Variants in YME1L1 observed in about 807,000 individuals in gnomAD.
The protein encoded by YME1L1 is YME1 like 1 ATPase, also known as ATP-dependent zinc metalloprotease YME1L1.
YME1L1 carries 39 observed loss-of-function variants against 90.4 expected under a neutral mutation model. That is an observed-to-expected ratio of 0.43 (90% CI 0.33 to 0.56). The LOEUF (loss-of-function observed/expected upper bound fraction) is 0.56. YME1L1 is among the 20% of genes least tolerant of loss of function. The probability of loss-of-function intolerance (pLI) is 0.03; values close to 1 mark genes in which losing one functional copy is unlikely to be tolerated. For missense variants in YME1L1, 617 were observed against 868.4 expected (o/e 0.71, Z 3.64); for synonymous variants, 284 against 287.3 (o/e 0.99, Z 0.12).
intron 17 of YME1L1, among the ~76,000 whole-genome samples, 200 bp downstream of exon 17, chr10:27,115,860 A>G (rs912586786): frequency 5.9e-5 from 9 of 152,240 alleles, no homozygotes; most frequent in East Asian, 1.9e-4. Flanking sequence ...AATAGTTACT[A>G]TCTGGGCAGC....
chr10:27,110,643 G>C lies in YME1L1; in HGVS notation c.*1334C>G, dbSNP rs2056750418. Reference sequence around the variant, plus strand: ...AACACAACTTGGCATTTCTGACGCAGGGTAACACAAAGTTCACTTCGGAGG... The same window carrying C: ...AACACAACTTGGCATTTCTGACGCACGGTAACACAAAGTTCACTTCGGAGG... On this transcript the variant is annotated 3_prime_UTR_variant, in exon 19 of 19. Coordinates refer to ENST00000376016, the MANE Select transcript of YME1L1 (RefSeq NM_014263.4). 6.6e-6 allele frequency: 1 copy of C among 152,102 alleles called. No individual in the cohort carries two copies. The highest frequency in any genetic ancestry group is 1.5e-5 in the Non-Finnish European group (1 of 68,016). The allele number at this position is 152,102 out of a possible 1,614,324, so 9.4% of individuals were successfully genotyped here. A position where few individuals can be genotyped will look rare whatever the true frequency, so the allele number is the denominator to read the frequency against.
At chr10:27,134,323 C>G (rs1478992847) in intron 6 of YME1L1, among the ~76,000 whole-genome samples, 1 of 152,166 alleles carries the variant, frequency 6.6e-6, no homozygotes, top group Non-Finnish European at 1.5e-5. Flanking sequence ...GTGGCTCATG[C>G]CTGTAATCCT....
chr10:27,147,103 A>G (rs1383123723), intron 2 of YME1L1: 2 of 374,220 alleles, frequency 5.3e-6, no homozygotes, highest in Non-Finnish European at 9.5e-6. Context: ...AAAATTAAAG[A>G]GATAGGTTAT....
chr10:27,133,169 G>A (rs1399168070), intron 7 of YME1L1, among the ~76,000 whole-genome samples: 1 of 152,190 alleles, frequency 6.6e-6, no homozygotes, highest in Non-Finnish European at 1.5e-5. Flanking sequence ...TTTTCATGTA[G>A]TCTTCTTCCT....
chr10:27,122,786 A>G lies in YME1L1; in HGVS notation c.1235+55T>C, dbSNP rs184985139. On this transcript the variant is annotated intron_variant, in intron 11 of 18. Transcript: ENST00000376016. ...AATTTGCATAAGATCAATTCTACGT[A>G]TATCAAATGCTGGGAGGCATCACCA... is the stretch of plus-strand genomic sequence containing the variant. 2.8e-4 allele frequency: 450 copies of G among 1,600,748 alleles called. 4 individuals are homozygous for G. The highest frequency in any genetic ancestry group is 1.2e-3 in the Middle Eastern group (7 of 6,016).
chr10:27,119,569 G>A, intron 13 of YME1L1, 120 bp from the exon 14 acceptor site: 1 of 1,110,458 alleles, frequency 9.0e-7, no homozygotes, highest in Non-Finnish European at 1.2e-6. Flanking sequence ...AGCACTTTGG[G>A]AGGCTGGGGC....
intron 4 of YME1L1, among the ~76,000 whole-genome samples, chr10:27,138,031 C>T (rs150897929): frequency 6.6e-6 from 1 of 152,050 alleles, no homozygotes; most frequent in East Asian, 1.9e-4. Flanking sequence ...TTGTTTTCAA[C>T]CCTTTAACAT....
At chr10:27,127,645 C>T (rs1789008741) in intron 8 of YME1L1, among the ~76,000 whole-genome samples, 1 of 152,112 alleles carries the variant, frequency 6.6e-6, no homozygotes, top group South Asian at 2.1e-4. Flanking sequence ...ATATGGATTA[C>T]ATTTATCTAA....
Position 27,116,041 on chromosome 10 carries a change from GA to G in YME1L1, c.1920+18del, listed in dbSNP as rs1564455034. ...GACACATAATTTGATACATGAAAAG[GA>G]TTTAAAAAATCTATTACCTTTTCAC... On this transcript the variant is annotated intron_variant, in intron 17 of 18. Coordinates refer to ENST00000376016, the MANE Select transcript of YME1L1 (RefSeq NM_014263.4). The G allele has an allele frequency of 6.3e-7, 1 of 1,598,644 alleles. No homozygotes were observed. The highest frequency in any genetic ancestry group is 1.7e-5 in the Admixed American group (1 of 59,214).
chr10:27,126,907 G>A lies in YME1L1; in HGVS notation c.859-121C>T, dbSNP rs551424591. 8.4e-6 allele frequency: 5 copies of A among 596,832 alleles called. No individual in the cohort carries two copies. In the East Asian group the frequency reaches 1.7e-4, roughly 21 times the overall value. 37.0% of individuals were successfully genotyped at this position (596,832 alleles called of 1,614,324 possible). A position where few individuals can be genotyped will look rare whatever the true frequency, so the allele number is the denominator to read the frequency against. ...ATATGGAATTAACCTGACCTTCTCT[G>A]TTTCAGTAAAAAAAGCATACAAAAA... On this transcript the variant is annotated intron_variant, in intron 8 of 18. Transcript: ENST00000376016.
At chr10:27,130,966 T>A (rs911272676) in intron 8 of YME1L1, among the ~76,000 whole-genome samples, 1 of 152,196 alleles carries the variant, frequency 6.6e-6, no homozygotes, top group Non-Finnish European at 1.5e-5. Context: ...TACGTTCCAA[T>A]AAGAAATCCT....
intron 3 of YME1L1, among the ~76,000 whole-genome samples, chr10:27,143,833 A>G (rs1481195796): frequency 6.6e-6 from 1 of 152,212 alleles, no homozygotes; most frequent in East Asian, 1.9e-4. Flanking sequence ...ACTGTGAATC[A>G]TAGCTACTAT....
chr10:27,123,724 G>C (rs377501521), intron 9 of YME1L1, 25 bp from the exon 10 acceptor site: 19 of 1,564,892 alleles, frequency 1.2e-5, no homozygotes, highest in Non-Finnish European at 1.6e-5. Flanking sequence ...AAACGAGAAT[G>C]ATTCAAAGTA....
intron 18 of YME1L1, 55 bp downstream of exon 18, chr10:27,114,462 CCTGA>C (rs2056791267): frequency 9.4e-6 from 13 of 1,389,784 alleles, no homozygotes; most frequent in Admixed American, 2.0e-5. Context: ...TTTTTAAGAA[CCTGA>C]CTATTTAAGC....
intron 13 of YME1L1, 115 bp downstream of exon 13, chr10:27,120,320 G>A: frequency 1.5e-5 from 10 of 673,866 alleles, no homozygotes; most frequent in South Asian, 7.0e-5. Context: ...AAAAAAAAAA[G>A]ACAAAAATGA....
intron 2 of YME1L1, chr10:27,147,265 G>A: frequency 1.5e-6 from 1 of 665,002 alleles, no homozygotes; most frequent in Non-Finnish European, 2.5e-6. Flanking sequence ...AGGCTGAGGT[G>A]GGAGGACTGC....
intron 2 of YME1L1, chr10:27,147,200 GAAGA>G: frequency 1.7e-6 from 1 of 590,784 alleles, no homozygotes; most frequent in South Asian, 2.1e-5. Context: ...GAGAACTAAG[GAAGA>G]TAGACTGGCC....
rs752661376 is a variant in YME1L1, at chr10:27,112,112, A to C, written c.2016T>G (p.Tyr672Ter). The C allele has an allele frequency of 6.2e-7, 1 of 1,612,796 alleles. No homozygotes were observed. Among genetic ancestry groups the C allele is most frequent in the Non-Finnish European group, 8.5e-7 (1 of 1,179,650 alleles). ...QEIRILLRDSYERAKHILKTH... is the reference protein window; with the variant it reads ...QEIRILLRDS ...TTTTCAAGATATGTTTTGCTCGTTC[A>C]TATGAGTCCTGAAACAGAAAAGGAG... is the stretch of plus-strand genomic sequence containing the variant. Residue 672 changes from tyrosine to a stop codon, truncating the protein, a stop_gained, in exon 19 of 19, where the codon TAT (tyrosine) becomes TAG (stop). Transcript: ENST00000376016. LOFTEE classifies it high-confidence loss of function.
intron 9 of YME1L1, among the ~76,000 whole-genome samples, chr10:27,126,300 G>A (rs11015554): frequency 0.24 from 36,569 of 151,628 alleles, 4,982 homozygotes; most frequent in East Asian, 0.56. Context: ...AAAATTAGCC[G>A]GCATGGTGGT....
Sources: allele counts gnomAD v4.1 joint callset (sites outside exome capture counted in the v4.1 genomes callset), GRCh38; gene constraint gnomAD v4.1.1; transcripts MANE v1.5; gene names NCBI Gene and HGNC (gene_info 2026-07-23, HGNC 2026-07-21).